The following ZNF850 variants were observed in gnomAD, a reference collection of about 807,000 sequenced individuals.
The protein encoded by ZNF850 is putative zinc finger protein ENSP00000330994.
In ZNF850, 2 loss-of-function variants were observed where a neutral mutation model predicts 11.9. That is an observed-to-expected ratio of 0.17 (90% CI 0.07 to 0.53). ZNF850 has a LOEUF of 0.53. ZNF850 is among the 20% of genes least tolerant of loss of function. The pLI, the probability that ZNF850 is intolerant of heterozygous loss-of-function variation, is 0.94. For missense variants in ZNF850, 1,014 were observed against 1,316.4 expected (o/e 0.77, Z 3.55); for synonymous variants, 381 against 443.0 (o/e 0.86, Z 1.76).
intron 4 of ZNF850, among the ~76,000 whole-genome samples, chr19:36,754,295 A>ACAT (rs2040472414): frequency 6.6e-6 from 1 of 152,174 alleles, no homozygotes; most frequent in Non-Finnish European, 1.5e-5. Flanking sequence ...AAAAAGTTGA[A>ACAT]GTAAAAACTA....
chr19:36,753,071 A>G (rs988505270), intron 4 of ZNF850, among the ~76,000 whole-genome samples: 1 of 151,846 alleles, frequency 6.6e-6, no homozygotes, highest in Non-Finnish European at 1.5e-5. Flanking sequence ...GGAATTCAAG[A>G]CCAGCCTGGT....
chr19:36,748,983 G>C lies in ZNF850; in HGVS notation c.2057C>G (p.Thr686Arg). 6.2e-7 allele frequency: 1 copy of C among 1,604,036 alleles called. No individual in the cohort carries two copies. The highest frequency in any genetic ancestry group is 2.2e-5 in the East Asian group (1 of 44,506). ...AATTCTCCGATGTTGATTAAGGTAT[G>C]TACGCTGTCTAAAGGCCTTCCCACA... ...PDCGKAFRQR[T>R]YLNQHRRIHT... Residue 686 changes from threonine (T) to arginine (R), a missense_variant, in exon 5 of 5, where the codon ACA (threonine) becomes AGA (arginine). Physicochemically the swap from Thr to Arg is moderately conservative, Grantham distance 71 (BLOSUM62 -1). Around this residue, in one of 2 missense-constraint regions of ZNF850, gnomAD observed 835 missense variants for 1,022.0 expected, o/e 0.82. Transcript: ENST00000591344.
chr19:36,762,042 T>C (rs1309786058), intron 3 of ZNF850, among the ~76,000 whole-genome samples: 1 of 96,806 alleles, frequency 1.0e-5, no homozygotes, highest in Admixed American at 1.0e-4. Context: ...TGAGACTTTG[T>C]CTCAAAAAAA....
chr19:36,761,584 C>T, intron 4 of ZNF850, 59 bp downstream of exon 4: 1 of 981,888 alleles, frequency 1.0e-6, no homozygotes, highest in Non-Finnish European at 1.5e-6. Flanking sequence ...GGTGCTGCCT[C>T]CCTGACAGGC....
At chr19:36,766,123 C>T (rs2040548104) in intron 1 of ZNF850, among the ~76,000 whole-genome samples, 1 of 151,722 alleles carries the variant, frequency 6.6e-6, no homozygotes, top group Admixed American at 6.6e-5. Context: ...AACTCCTGGC[C>T]TCAAGCAATC....
intron 4 of ZNF850, among the ~76,000 whole-genome samples, chr19:36,755,705 C>A (rs1420613326): frequency 2.3e-3 from 328 of 144,444 alleles, no homozygotes; most frequent in African/African-American, 6.4e-3. Flanking sequence ...AAAAAAAAAA[C>A]AAAAAACAAA....
intron 4 of ZNF850, among the ~76,000 whole-genome samples, chr19:36,755,275 C>T (rs925227829): frequency 1.3e-5 from 2 of 152,072 alleles, no homozygotes. Context: ...TCACCCGTGC[C>T]GGAATGCAGT....
intron 3 of ZNF850, among the ~76,000 whole-genome samples, chr19:36,762,073 G>C (rs547670010): frequency 1.3e-5 from 2 of 149,590 alleles, no homozygotes; most frequent in African/African-American, 4.9e-5. Flanking sequence ...GAAAAGAAGT[G>C]AGACATACTC....
chr19:36,745,106 G>A lies in ZNF850; in HGVS notation c.*2661C>T, dbSNP rs754367156. The A allele has an allele frequency of 1.3e-5, 2 of 151,588 alleles. No homozygotes were observed. The highest frequency in any genetic ancestry group is 2.4e-5 in the African/African-American group (1 of 41,216). The allele number at this position is 151,588 out of a possible 1,614,324, so 9.4% of individuals were successfully genotyped here. A position where few individuals can be genotyped will look rare whatever the true frequency, so the allele number is the denominator to read the frequency against. On this transcript the variant is annotated 3_prime_UTR_variant, in exon 5 of 5. Transcript: ENST00000591344. ...TGCACTCCAGCCTGGGCGACAGAAC[G>A]AGACTGTCTCAAAAAAAATCAATTG... is the stretch of plus-strand genomic sequence containing the variant.
At chr19:36,751,058 C>T (rs1401362068) in intron 4 of ZNF850, among the ~76,000 whole-genome samples, 1 of 128,702 alleles carries the variant, frequency 7.8e-6, no homozygotes, top group Non-Finnish European at 1.6e-5. Flanking sequence ...AGAGCAAGAC[C>T]CTGTCTTAAA....
intron 1 of ZNF850, among the ~76,000 whole-genome samples, chr19:36,763,799 GT>G (rs1176875461): frequency 3.3e-5 from 5 of 152,026 alleles, no homozygotes; most frequent in Non-Finnish European, 7.4e-5. Flanking sequence ...TTAGCCAGAT[GT>G]GGTGGGACAT....
intron 1 of ZNF850, among the ~76,000 whole-genome samples, chr19:36,768,742 T>C (rs2040563179): frequency 2.0e-5 from 3 of 147,174 alleles, no homozygotes; most frequent in Non-Finnish European, 4.5e-5. Flanking sequence ...GTTGGAAGAT[T>C]GCTGGAGCTC....
At chr19:36,762,768 G>T in intron 1 of ZNF850, 93 bp from the exon 2 acceptor site, 1 of 699,788 alleles carries the variant, frequency 1.4e-6, no homozygotes, top group Non-Finnish European at 2.4e-6. Flanking sequence ...TAGCAAAGCT[G>T]AAAGAATATT....
Position 36,748,973 on chromosome 19 carries a change from A to T in ZNF850, c.2067T>A (p.Asn689Lys), listed in dbSNP as rs2040432681. 1.2e-6 allele frequency: 2 copies of T among 1,600,958 alleles called. No individual in the cohort carries two copies. Among genetic ancestry groups the T allele is most frequent in the Admixed American group, 1.7e-5 (1 of 57,582 alleles). Residue 689 changes from asparagine to lysine, a missense_variant, in exon 5 of 5, where the codon AAT becomes AAA. Coordinates refer to ENST00000591344, the MANE Select transcript of ZNF850 (RefSeq NM_001193552.2). ...CACCAGTATGAATTCTCCGATGTTG[A>T]TTAAGGTATGTACGCTGTCTAAAGG... is the stretch of plus-strand genomic sequence containing the variant. Reference protein sequence around the residue: ...GKAFRQRTYLNQHRRIHTGEK... With the variant: ...GKAFRQRTYLKQHRRIHTGEK...
chr19:36,769,277 AAAGAAAGAAAG>A (rs1172593488), intron 1 of ZNF850, among the ~76,000 whole-genome samples: 885 of 57,716 alleles, frequency 0.015, no homozygotes, highest in African/African-American at 0.025. Flanking sequence ...AAAAAAAAAA[AAAGAAAGAAAG>A]AAAGAAAGAA....
intron 4 of ZNF850, among the ~76,000 whole-genome samples, chr19:36,760,931 G>A (rs1186436564): frequency 6.6e-6 from 1 of 151,198 alleles, no homozygotes; most frequent in Non-Finnish European, 1.5e-5. Flanking sequence ...AACTAGACAA[G>A]ACAACACACA....
chr19:36,766,047 C>A (rs938467491), intron 1 of ZNF850, among the ~76,000 whole-genome samples: 2 of 151,782 alleles, frequency 1.3e-5, no homozygotes, highest in Non-Finnish European at 1.5e-5. Context: ...CACCACCACA[C>A]CTGGCTATTT....
intron 1 of ZNF850, among the ~76,000 whole-genome samples, chr19:36,764,130 A>C (rs1164887076): frequency 6.6e-6 from 1 of 152,204 alleles, no homozygotes; most frequent in African/African-American, 2.4e-5. Flanking sequence ...CTATAGTCCC[A>C]GCTACTCGGG....
At position 36,748,776 on chromosome 19, in the gene ZNF850, T is replaced by C. The variant is rs1468957378; in HGVS notation, c.2264A>G (p.Lys755Arg). ...CCCACATTCCTTACAATCATAGGGT[T>C]TCTCACCAGTGTGAATTTGCTGATG... Reference protein sequence around the residue: ...IQHQQIHTGEKPYDCKECGKS... With the variant: ...IQHQQIHTGERPYDCKECGKS... Residue 755 changes from lysine (K) to arginine (R), a missense_variant, in exon 5 of 5, where the codon AAA becomes AGA. Coordinates refer to ENST00000591344, the MANE Select transcript of ZNF850 (RefSeq NM_001193552.2). 1.3e-6 allele frequency: 2 copies of C among 1,552,304 alleles called. No individual in the cohort carries two copies. The highest frequency in any genetic ancestry group is 1.9e-5 in the Admixed American group (1 of 52,148).
Sources: gnomAD v4.1 joint callset for allele counts (sites outside exome capture counted in the v4.1 genomes callset) on GRCh38, gnomAD v4.1.1 for gene constraint, gnomAD v4.1.1 regional missense constraint, MANE v1.5 for transcripts, NCBI Gene and HGNC (gene_info 2026-07-23, HGNC 2026-07-21) for gene names.